The following DHX33 variants were observed in gnomAD, a reference collection of about 807,000 sequenced individuals.
The protein encoded by DHX33 is DEAH-box helicase 33, also known as ATP-dependent RNA helicase DHX33.
Under a neutral mutation model 72.5 loss-of-function variants are expected in DHX33, and 42 were observed. That is an observed-to-expected ratio of 0.58 (90% CI 0.45 to 0.75). The LOEUF (loss-of-function observed/expected upper bound fraction) is 0.75. Among genes scored for constraint, DHX33 ranks in the 30% least tolerant of loss-of-function variants. The pLI is 0.00. For missense variants in DHX33, 842 were observed against 917.5 expected (o/e 0.92, Z 1.06); for synonymous variants, 358 against 366.1 (o/e 0.98, Z 0.25).
At chr17:5,451,678 A>T (rs74602152) in intron 8 of DHX33, among the ~76,000 whole-genome samples, 2,211 of 152,290 alleles carry the variant, frequency 0.015, 53 homozygotes, top group African/African-American at 0.051. Context: ...GAACCATGTA[A>T]ATATAGTACC....
chr17:5,449,812 T>C (rs1916813266), intron 10 of DHX33, among the ~76,000 whole-genome samples: 1 of 152,204 alleles, frequency 6.6e-6, no homozygotes, highest in Non-Finnish European at 1.5e-5. Flanking sequence ...ATAATAATTA[T>C]AGTGCTCATT....
rs1328342592 is a variant in DHX33 at position 5,461,339 on chromosome 17, C to T, written c.679-230G>A. ...TTTTTTGAGATGGAGTTTCACCGGG[C>T]ACGGTGGCTCACGTCTGTAATCCCA... On this transcript the variant is annotated intron_variant, in intron 3 of 11. Transcript: ENST00000225296. 1.3e-5 allele frequency: 4 copies of T among 301,028 alleles called. No individual in the cohort carries two copies. In the East Asian group the frequency reaches 2.3e-4, roughly 17 times the overall value. 18.6% of individuals were successfully genotyped at this position (301,028 alleles called of 1,614,324 possible).
intron 2 of DHX33, 94 bp downstream of exon 2, chr17:5,463,435 A>C: frequency 7.6e-7 from 1 of 1,324,272 alleles, no homozygotes; most frequent in Non-Finnish European, 1.0e-6. Flanking sequence ...CTCACTATGT[A>C]AAAGGAGTCT....
chr17:5,455,983 G>T lies in DHX33; in HGVS notation c.1035+14C>A. 6.2e-7 allele frequency: 1 copy of T among 1,609,584 alleles called. No individual in the cohort carries two copies. On this transcript the variant is annotated intron_variant, in intron 5 of 11. Transcript: ENST00000225296. ...GCCCAGAATAGGGCTGGACAGAAGAGGTGGTGCACTCACCTTTGGGGCCCC... is the reference window on the plus strand; with the variant it reads ...GCCCAGAATAGGGCTGGACAGAAGATGTGGTGCACTCACCTTTGGGGCCCC...
intron 1 of DHX33, among the ~76,000 whole-genome samples, chr17:5,465,625 C>T (rs758453186): frequency 5.9e-5 from 9 of 152,186 alleles, no homozygotes; most frequent in South Asian, 2.1e-4. Context: ...CTCCTTGGAG[C>T]CCATTCTTGA....
At chr17:5,451,744 A>T (rs936586052) in intron 8 of DHX33, among the ~76,000 whole-genome samples, 1 of 152,242 alleles carries the variant, frequency 6.6e-6, no homozygotes, top group South Asian at 2.1e-4. Flanking sequence ...CATCCCAATA[A>T]GGAGTGATCT....
intron 4 of DHX33, among the ~76,000 whole-genome samples, chr17:5,458,416 TG>T (rs761782101): frequency 6.6e-6 from 1 of 152,000 alleles, no homozygotes; most frequent in Non-Finnish European, 1.5e-5. Context: ...TAGCAATGTG[TG>T]GTCATAATAT....
chr17:5,457,713 AT>A (rs879375035), intron 4 of DHX33, among the ~76,000 whole-genome samples: 163 of 151,750 alleles, frequency 1.1e-3, no homozygotes, highest in Middle Eastern at 6.9e-3. Context: ...TTTAATATGT[AT>A]TTTTTTTCAG....
In DHX33 at chr17:5,444,189, G is replaced by T. The variant is rs372892765; in HGVS notation, c.*16C>A. 3.1e-6 allele frequency: 5 copies of T among 1,605,448 alleles called. No individual in the cohort carries two copies. In the African/African-American group the frequency reaches 6.7e-5, roughly 21 times the overall value. On this transcript the variant is annotated 3_prime_UTR_variant, in exon 12 of 12. Coordinates refer to ENST00000225296, the MANE Select transcript of DHX33 (RefSeq NM_020162.4). The surrounding 1 kb of genome is among the most constrained non-coding windows in gnomAD (Gnocchi z 4.9). Reference sequence around the variant, plus strand: ...GCTCCCAGGGACCAGTGATTCTGGCGGCATCCTGGGGCGGCTCAGTTTCTG... The same window carrying T: ...GCTCCCAGGGACCAGTGATTCTGGCTGCATCCTGGGGCGGCTCAGTTTCTG...
rs767633350 is a variant in DHX33, at chr17:5,456,051, C to T, written c.981G>A (p.Leu327=). ...GCTGTGCATAGGGCAGGGAGGCGTA[C>T]AGAGGAAGGACCAGCATCGCAGGGC... The part of the protein sequence containing the change: ...DGCPAMLVLP[L]YASLPYAQQL... Residue 327 remains leucine, a synonymous_variant, in exon 5 of 12, where the codon CTG becomes CTA. Transcript: ENST00000225296. The T allele has an allele frequency of 5.6e-6, 9 of 1,613,438 alleles. No homozygotes were observed. The highest frequency in any genetic ancestry group is 1.1e-5 in the South Asian group (1 of 91,036).
chr17:5,467,447 A>G (rs1904924128), intron 1 of DHX33, among the ~76,000 whole-genome samples: 1 of 152,178 alleles, frequency 6.6e-6, no homozygotes, highest in Non-Finnish European at 1.5e-5. Context: ...ACCATCTTGG[A>G]CAAGCCCCTC....
intron 11 of DHX33, 72 bp downstream of exon 11, chr17:5,448,737 G>A: frequency 8.5e-7 from 1 of 1,172,940 alleles, no homozygotes; most frequent in Non-Finnish European, 1.2e-6. Context: ...CTAGCAATAA[G>A]CAACTTCAAA....
rs1916483193 is a variant in DHX33, at chr17:5,442,779, T to C, written c.*1426A>G. 4 of 152,156 alleles carry C rather than the reference T, an allele frequency of 2.6e-5. No individual in the cohort carries two copies. The South Asian group carries it at 8.3e-4, about 32-fold the overall frequency. 9.4% of individuals were successfully genotyped at this position (152,156 alleles called of 1,614,324 possible). ...ATGTATTTGGACCAAGTAAGCACAA[T>C]AAAAGAGCTAAATCACGGCTTCTTC... is the stretch of plus-strand genomic sequence containing the variant. On this transcript the variant is annotated 3_prime_UTR_variant, in exon 12 of 12. Transcript: ENST00000225296.
At chr17:5,465,740 T>G (rs1904853413) in intron 1 of DHX33, among the ~76,000 whole-genome samples, 1 of 152,144 alleles carries the variant, frequency 6.6e-6, no homozygotes, top group East Asian at 1.9e-4. Context: ...ACTACTGCCA[T>G]CGATCTTTTT....
At position 5,444,642 on chromosome 17, in the gene DHX33, A is replaced by C; in HGVS notation, c.1816-129T>G. ...CCACATTGTGAGCCTAACGATGTGG[A>C]TTCTGACATTCGGAGGTGGTCACCA... is the stretch of plus-strand genomic sequence containing the variant. On this transcript the variant is annotated intron_variant, in intron 11 of 11. Coordinates refer to ENST00000225296, the MANE Select transcript of DHX33 (RefSeq NM_020162.4). The surrounding 1 kb of genome is among the most constrained non-coding windows in gnomAD (Gnocchi z 4.9). 1 of 958,732 alleles carries C rather than the reference A, an allele frequency of 1.0e-6. No homozygotes were observed. The highest frequency in any genetic ancestry group is 1.7e-5 in the South Asian group (1 of 59,948). The allele number at this position is 958,732 out of a possible 1,614,324, so 59.4% of individuals were successfully genotyped here. A position where few individuals can be genotyped will look rare whatever the true frequency, so the allele number is the denominator to read the frequency against.
chr17:5,467,140 T>A (rs956038573), intron 1 of DHX33, among the ~76,000 whole-genome samples: 2 of 152,230 alleles, frequency 1.3e-5, no homozygotes, highest in African/African-American at 4.8e-5. Context: ...AATGGACTCT[T>A]GGTTTGAAAA....
chr17:5,459,627 C>T (rs963348547), intron 4 of DHX33, among the ~76,000 whole-genome samples: 1 of 151,996 alleles, frequency 6.6e-6, no homozygotes, highest in Non-Finnish European at 1.5e-5. Flanking sequence ...ACAAGTCTTG[C>T]TATGTTGCCC....
Position 5,444,246 on chromosome 17 carries a change from G to A in DHX33, c.2083C>T (p.Pro695Ser), listed in dbSNP as rs1031962619. 3 of 1,614,046 alleles carry A rather than the reference G, an allele frequency of 1.9e-6. No individual in the cohort carries two copies. In the Admixed American group the frequency reaches 5.0e-5, roughly 27 times the overall value. The change falls in exon 12 of 12, where the codon CCT (proline) becomes TCT (serine). Residue 695 changes from proline (P) to serine (S), a missense_variant. Coordinates refer to ENST00000225296, the MANE Select transcript of DHX33 (RefSeq NM_020162.4). This position sits in a 1 kb window ranked among gnomAD's most constrained non-coding sequence, Gnocchi z 4.9. ...CTCAGCTTCCTCCTAAAGTACTCAG[G>A]GGCAGCCTCGTACAGCCACTGTGCA... ...IDAQWLYEAA[P>S]EYFRRKLRTA...
intron 10 of DHX33, 80 bp downstream of exon 10, chr17:5,450,123 C>T: frequency 1.9e-6 from 3 of 1,540,356 alleles, no homozygotes; most frequent in Non-Finnish European, 1.8e-6. Flanking sequence ...GTACTTTTTG[C>T]ACGGCTTCAG....
Sources: allele counts gnomAD v4.1 joint callset (sites outside exome capture counted in the v4.1 genomes callset), GRCh38; gene constraint gnomAD v4.1.1; non-coding constraint Gnocchi (gnomAD v3.1); transcripts MANE v1.5; gene names NCBI Gene and HGNC (gene_info 2026-07-23, HGNC 2026-07-21).